Variants in FRMPD4 observed in about 807,000 individuals in gnomAD.
FRMPD4 encodes the protein FERM and PDZ domain containing 4, also known as FERM and PDZ domain-containing protein 4.
FRMPD4 carries 22 observed loss-of-function variants against 94.1 expected under a neutral mutation model. The observed-to-expected ratio is 0.23, with a 90% CI of 0.17 to 0.33. FRMPD4 has a LOEUF of 0.33. Among genes scored for constraint, FRMPD4 ranks in the 10% least tolerant of loss-of-function variants. The pLI is 1.00. For missense variants in FRMPD4, 1,111 were observed against 1,339.9 expected (o/e 0.83, Z 2.67); for synonymous variants, 631 against 548.6 (o/e 1.15, Z -2.10).
chrX:12,440,460 G>A, intron 1 of FRMPD4, among the ~76,000 whole-genome samples: 1 of 111,704 alleles, frequency 9.0e-6, no homozygotes, highest in Non-Finnish European at 1.9e-5. Flanking sequence ...ACAGAGCAGA[G>A]CTTCAGCCTG....
chrX:12,380,335 C>T (rs1174186663), intron 1 of FRMPD4, among the ~76,000 whole-genome samples: 2 of 111,887 alleles, frequency 1.8e-5, no homozygotes, highest in African/African-American at 6.5e-5. Flanking sequence ...AGAATGAGTA[C>T]TGTGTTTAGA....
At chrX:12,561,015 C>T (rs1199498610) in intron 2 of FRMPD4, among the ~76,000 whole-genome samples, 3 of 108,259 alleles carry the variant, frequency 2.8e-5, no homozygotes, top group Admixed American at 9.9e-5. Flanking sequence ...GTGATCCGCC[C>T]GCCTCGGCCT....
intron 3 of FRMPD4, among the ~76,000 whole-genome samples, chrX:12,037,105 G>A (rs186640597): frequency 9.0e-5 from 10 of 111,489 alleles, no homozygotes; most frequent in East Asian, 2.8e-4. Flanking sequence ...AAGCTGTATC[G>A]TGTCTTTCTC....
At chrX:12,240,102 T>C (rs1252103028) in intron 1 of FRMPD4, among the ~76,000 whole-genome samples, 1 of 112,704 alleles carries the variant, frequency 8.9e-6, no homozygotes, top group Non-Finnish European at 1.9e-5. Context: ...GAGTTTACCA[T>C]TGAAAATTGT....
intron 4 of FRMPD4, among the ~76,000 whole-genome samples, chrX:12,618,889 C>T (rs1022268462): frequency 4.5e-5 from 5 of 111,515 alleles, no homozygotes; most frequent in African/African-American, 1.6e-4. Context: ...AAAGTTAGTC[C>T]CAGTTTTAGA....
intron 3 of FRMPD4, among the ~76,000 whole-genome samples, chrX:11,963,894 T>C (rs1041903699): frequency 2.9e-4 from 32 of 111,405 alleles, no homozygotes; most frequent in Non-Finnish European, 1.9e-5. Context: ...TCACAGACTA[T>C]ATAGGTGAAA....
intron 2 of FRMPD4, among the ~76,000 whole-genome samples, chrX:12,524,098 T>A (rs35255423): frequency 0.37 from 40,826 of 110,900 alleles, 5,695 homozygotes; most frequent in African/African-American, 0.49. Context: ...GAGGCTATAG[T>A]GAGCTATGAT....
intron 1 of FRMPD4, among the ~76,000 whole-genome samples, chrX:12,459,038 C>T (rs190426240): frequency 8.9e-6 from 1 of 111,852 alleles, no homozygotes; most frequent in Admixed American, 9.4e-5. Flanking sequence ...CAATTGTTGG[C>T]AGCCATCTTT....
intron 1 of FRMPD4, among the ~76,000 whole-genome samples, chrX:11,833,474 G>A (rs1373834758): frequency 1.8e-5 from 2 of 112,031 alleles, no homozygotes; most frequent in South Asian, 3.7e-4. Context: ...AGGAATGAGA[G>A]TTCCTGTTGC....
intron 4 of FRMPD4, among the ~76,000 whole-genome samples, chrX:12,654,534 A>ATG (rs1261552529): frequency 1.8e-5 from 2 of 112,164 alleles, no homozygotes; most frequent in African/African-American, 6.5e-5. Context: ...GTACTGATAT[A>ATG]TGTATATATA....
At chrX:12,407,451 G>A (rs908446712) in intron 1 of FRMPD4, among the ~76,000 whole-genome samples, 3 of 111,841 alleles carry the variant, frequency 2.7e-5, no homozygotes, top group South Asian at 3.7e-4. Flanking sequence ...AAGTCACTTC[G>A]CCTTGCCTCA....
At chrX:11,860,145 C>T (rs2053677695) in intron 1 of FRMPD4, among the ~76,000 whole-genome samples, 3 of 112,561 alleles carry the variant, frequency 2.7e-5, no homozygotes, top group Admixed American at 1.9e-4. Flanking sequence ...CTCAAATATA[C>T]AGTAATAGGC....
At chrX:11,903,226 T>C (rs998780567) in intron 3 of FRMPD4, among the ~76,000 whole-genome samples, 1 of 112,544 alleles carries the variant, frequency 8.9e-6, no homozygotes, top group African/African-American at 3.2e-5. Flanking sequence ...TGTGTCAGTA[T>C]TGAGCATAGG....
intron 3 of FRMPD4, among the ~76,000 whole-genome samples, chrX:11,905,103 G>GC (rs2053960275): frequency 8.9e-6 from 1 of 112,011 alleles, no homozygotes; most frequent in Non-Finnish European, 1.9e-5. Flanking sequence ...CCTTTTTCCA[G>GC]CCCCTCTTGC....
intron 3 of FRMPD4, among the ~76,000 whole-genome samples, chrX:12,053,363 A>G (rs867569103): frequency 1.8e-4 from 4 of 22,495 alleles, no homozygotes; most frequent in Non-Finnish European, 3.5e-4. Context: ...AAGAAAGAAG[A>G]AAGAAAGAAA....
At chrX:12,092,306 C>T (rs890199962) in intron 3 of FRMPD4, among the ~76,000 whole-genome samples, 1 of 112,067 alleles carries the variant, frequency 8.9e-6, no homozygotes, top group Non-Finnish European at 1.9e-5. Flanking sequence ...CTTCTCTAAC[C>T]ATAATTAGCT....
At chrX:12,097,590 A>G (rs1333724619) in intron 3 of FRMPD4, among the ~76,000 whole-genome samples, 1 of 112,274 alleles carries the variant, frequency 8.9e-6, no homozygotes, top group African/African-American at 3.2e-5. Context: ...TTACACATCC[A>G]GGTCTAGCTA....
chrX:11,896,073 A>G (rs1489083837), intron 3 of FRMPD4, among the ~76,000 whole-genome samples: 4 of 112,512 alleles, frequency 3.6e-5, no homozygotes, highest in Non-Finnish European at 3.8e-5. Context: ...GCTTCCAGCC[A>G]TTGAGTTCTG....
chrX:12,082,444 G>C lies in FRMPD4; in HGVS notation c.95+204426G>C, dbSNP rs747605625. ...GAGGCCTCCCCAGCCATGTGGAACTGTAAGTCCAATTAAACCTGTTTTTGT... is the reference window on the plus strand; with the variant it reads ...GAGGCCTCCCCAGCCATGTGGAACTCTAAGTCCAATTAAACCTGTTTTTGT... On this transcript the variant is annotated intron_variant, in intron 3 of 18. Coordinates refer to the FRMPD4 transcript ENST00000640291. Among the ~76,000 whole-genome samples the C allele has an allele frequency of 2.7e-5, 3 of 112,116 alleles. No individual in the cohort carries two copies. In the East Asian group the frequency reaches 8.4e-4, roughly 31 times the overall value.
Sources: gnomAD v4.1 joint callset for allele counts (sites outside exome capture counted in the v4.1 genomes callset) on GRCh38, gnomAD v4.1.1 for gene constraint, MANE v1.5 for transcripts, NCBI Gene and HGNC (gene_info 2026-07-23, HGNC 2026-07-21) for gene names.